The following IKZF2 variants were observed in gnomAD, a reference collection of about 807,000 sequenced individuals.
The protein encoded by IKZF2 is zinc finger protein Helios.
IKZF2 carries 15 observed loss-of-function variants against 49.2 expected under a neutral mutation model. That is an observed-to-expected ratio of 0.30 (90% CI 0.20 to 0.47). The LOEUF (loss-of-function observed/expected upper bound fraction) is 0.47, where lower values mean the gene tolerates loss of function less well. Among genes scored for constraint, IKZF2 ranks in the 20% least tolerant of loss-of-function variants. IKZF2 has a pLI of 1.00. For missense variants in IKZF2, 567 were observed against 664.6 expected, an observed-to-expected ratio of 0.85 and a Z score of 1.61; for synonymous variants, 227 against 221.4, an observed-to-expected ratio of 1.03 and a Z score of -0.23.
rs117792075 is a variant in IKZF2, at chr2:213,114,991, G to C, written c.139+32717C>G. 3.9e-5 allele frequency among the ~76,000 whole-genome samples: 6 copies of C among 152,016 alleles called. No individual in the cohort carries two copies. In the East Asian group the frequency reaches 1.2e-3, roughly 29 times the overall value. ...ATTTCTAGAATGAAGGCAAATGCAC[G>C]TTAACCCTTAAAAGTTACAACAGTG... is the stretch of plus-strand genomic sequence containing the variant. On this transcript the variant is annotated intron_variant, in intron 4 of 8. Transcript: ENST00000434687.
At chr2:213,114,802 C>T (rs903176874) in intron 4 of IKZF2, among the ~76,000 whole-genome samples, 9 of 151,740 alleles carry the variant, frequency 5.9e-5, no homozygotes, top group South Asian at 2.1e-4. Context: ...CATGGTAGCG[C>T]GCGCCTGTAG....
intron 4 of IKZF2, among the ~76,000 whole-genome samples, chr2:213,067,832 A>T (rs1702302667): frequency 6.6e-6 from 1 of 152,136 alleles, no homozygotes; most frequent in Non-Finnish European, 1.5e-5. Context: ...ACAAGGATTC[A>T]TAAGCCCCAC....
intron 4 of IKZF2, among the ~76,000 whole-genome samples, chr2:213,106,302 G>A (rs1001711303): frequency 2.0e-5 from 3 of 151,822 alleles, no homozygotes; most frequent in Non-Finnish European, 4.4e-5. Flanking sequence ...AGAGATCCTT[G>A]CGCCTGTTTT....
At chr2:213,149,006 C>T (rs1318690811) in intron 2 of IKZF2, among the ~76,000 whole-genome samples, 1 of 152,230 alleles carries the variant, frequency 6.6e-6, no homozygotes, top group Non-Finnish European at 1.5e-5. Flanking sequence ...TTCCCACAAT[C>T]ACACTGCAGT....
chr2:213,029,170 A>C (rs1341958893), intron 6 of IKZF2, among the ~76,000 whole-genome samples: 2 of 151,998 alleles, frequency 1.3e-5, no homozygotes, highest in Non-Finnish European at 2.9e-5. Flanking sequence ...GTAATGCTGA[A>C]TATAATAATT....
At chr2:213,098,564 C>T (rs1467753740) in intron 4 of IKZF2, among the ~76,000 whole-genome samples, 2 of 152,052 alleles carry the variant, frequency 1.3e-5, no homozygotes, top group East Asian at 3.9e-4. Flanking sequence ...ACAAAAAAAT[C>T]TCAAAGTCTA....
chr2:213,144,225 T>C (rs1240742107), intron 4 of IKZF2, among the ~76,000 whole-genome samples: 2 of 151,944 alleles, frequency 1.3e-5, no homozygotes, highest in Non-Finnish European at 2.9e-5. Context: ...CACCTGGCCA[T>C]CAGACTGATA....
chr2:213,038,731 T>C (rs1184558456), intron 6 of IKZF2, among the ~76,000 whole-genome samples: 1 of 152,142 alleles, frequency 6.6e-6, no homozygotes, highest in Non-Finnish European at 1.5e-5. Context: ...ACTGGTGTAT[T>C]ATAAAAGAGA....
chr2:213,152,387 A>C (rs921771614), upstream of IKZF2: 2 of 152,448 alleles, frequency 1.3e-5, no homozygotes, highest in Admixed American at 1.3e-4. Flanking sequence ...AAGCGGGATA[A>C]GAGGGGTCCT....
chr2:213,113,688 A>C (rs927305014), intron 4 of IKZF2, among the ~76,000 whole-genome samples: 1 of 151,968 alleles, frequency 6.6e-6, no homozygotes, highest in African/African-American at 2.4e-5. Flanking sequence ...TTTTCCCCTT[A>C]TCTCTCTTTC....
intron 6 of IKZF2, among the ~76,000 whole-genome samples, chr2:213,043,935 A>T (rs1699902645): frequency 6.6e-6 from 1 of 152,202 alleles, no homozygotes; most frequent in South Asian, 2.1e-4. Flanking sequence ...AATTTTAGTT[A>T]ATCTGTGGCA....
intron 4 of IKZF2, among the ~76,000 whole-genome samples, chr2:213,072,701 T>G (rs1702839104): frequency 6.6e-6 from 1 of 152,172 alleles, no homozygotes; most frequent in Non-Finnish European, 1.5e-5. Context: ...TATCAAGCCT[T>G]GCATATTAGG....
In IKZF2 at chr2:213,090,823, GATTCT is replaced by G. The variant is rs568758019; in HGVS notation, c.140-33729_140-33725del. Among the ~76,000 whole-genome samples the G allele has an allele frequency of 2.4e-3, 359 of 152,262 alleles. 2 individuals carry two copies. The highest frequency in any genetic ancestry group is 8.3e-3 in the African/African-American group (346 of 41,558). On this transcript the variant is annotated intron_variant, in intron 4 of 8. Coordinates refer to ENST00000434687, the MANE Select transcript of IKZF2 (RefSeq NM_001387220.1). ...GCAGCCAGGGGAGAGGGACATAGCAGATTCTCCCTCACAGCCCTCACATGAAACCA... is the reference window on the plus strand; with the variant it reads ...GCAGCCAGGGGAGAGGGACATAGCAGCCCTCACAGCCCTCACATGAAACCA...
rs140932267 is a variant in IKZF2, at chr2:213,074,595, C to T, written c.140-17496G>A. Among the ~76,000 whole-genome samples the T allele has an allele frequency of 7.6e-3, 1,160 of 152,196 alleles. 9 individuals carry two copies. The highest frequency in any genetic ancestry group is 9.2e-3 in the Non-Finnish European group (624 of 67,974). On this transcript the variant is annotated intron_variant, in intron 4 of 8. Coordinates refer to ENST00000434687, the MANE Select transcript of IKZF2 (RefSeq NM_001387220.1). ...GAACATTAGTTAGAATAACAAAAGC[C>T]TAACAAAACTCTTAAATCCAATCAA...
intron 4 of IKZF2, among the ~76,000 whole-genome samples, chr2:213,099,988 G>T (rs1706466535): frequency 6.6e-6 from 1 of 151,942 alleles, no homozygotes; most frequent in Non-Finnish European, 1.5e-5. Context: ...AAATCATATG[G>T]TTATCCACAT....
Position 213,003,001 on chromosome 2 carries a change from A to G in IKZF2, c.*4359T>C, listed in dbSNP as rs997009538. The stretch of plus-strand genomic sequence containing the variant: ...ATACTATGAAACTAAAAAGGTAGTA[A>G]AGTCTAGTTTCAAAGTTTCCTTTTC... On this transcript the variant is annotated 3_prime_UTR_variant, in exon 9 of 9. Transcript: ENST00000434687. 1 of 152,018 alleles carries G rather than the reference A, an allele frequency of 6.6e-6. No individual in the cohort carries two copies. The highest frequency in any genetic ancestry group is 2.4e-5 in the African/African-American group (1 of 41,406). The allele number at this position is 152,018 out of a possible 1,614,324, so 9.4% of individuals were successfully genotyped here.
At position 213,120,668 on chromosome 2, in the gene IKZF2, A is replaced by T. The variant is rs77640902; in HGVS notation, c.139+27040T>A. 4.2e-3 allele frequency among the ~76,000 whole-genome samples: 635 copies of T among 152,360 alleles called. 4 individuals are homozygous for T. Among genetic ancestry groups the T allele is most frequent in the African/African-American group, 0.014 (594 of 41,594 alleles). Reference sequence around the variant, plus strand: ...TAGGTGACAAAACTACAGAAAGGCAATGATTAATTCTATAACTCTAACTGG... The same window carrying T: ...TAGGTGACAAAACTACAGAAAGGCATTGATTAATTCTATAACTCTAACTGG... On this transcript the variant is annotated intron_variant, in intron 4 of 8. Coordinates refer to ENST00000434687, the MANE Select transcript of IKZF2 (RefSeq NM_001387220.1).
intron 6 of IKZF2, among the ~76,000 whole-genome samples, chr2:213,031,041 G>A (rs1698375562): frequency 1.3e-5 from 2 of 152,248 alleles, no homozygotes; most frequent in South Asian, 4.1e-4. Flanking sequence ...GGCCAGGCTG[G>A]TCTTGAACTC....
intron 6 of IKZF2, among the ~76,000 whole-genome samples, chr2:213,040,619 T>C (rs1200941287): frequency 1.9e-4 from 29 of 152,138 alleles, no homozygotes. Flanking sequence ...TTTTGACTAA[T>C]AGGGGTCCAG....
Sources: allele counts gnomAD v4.1 joint callset (sites outside exome capture counted in the v4.1 genomes callset), GRCh38; gene constraint gnomAD v4.1.1; transcripts MANE v1.5; gene names NCBI Gene and HGNC (gene_info 2026-07-23, HGNC 2026-07-21).